Variants in PHC3 observed in about 807,000 individuals in gnomAD.
The protein encoded by PHC3 is polyhomeotic-like protein 3.
PHC3 carries 13 observed loss-of-function variants against 107.4 expected under a neutral mutation model. The ratio of observed to expected loss-of-function variants is 0.12; its 90% CI spans 0.08 to 0.19. PHC3 has a LOEUF of 0.19. Among genes scored for constraint, PHC3 ranks in the 10% least tolerant of loss-of-function variants. The probability of loss-of-function intolerance (pLI) is 1.00; values close to 1 mark genes in which losing one functional copy is unlikely to be tolerated. For missense variants in PHC3, 992 were observed against 1,210.9 expected, an observed-to-expected ratio of 0.82 and a Z score of 2.68; for synonymous variants, 456 against 427.4, an observed-to-expected ratio of 1.07 and a Z score of -0.83.
At chr3:170,144,897 G>A (rs746019248) in intron 6 of PHC3, among the ~76,000 whole-genome samples, 5 of 152,084 alleles carry the variant, frequency 3.3e-5, no homozygotes, top group Admixed American at 6.5e-5. Context: ...AGTAAAGACC[G>A]GGTCTTACTA....
intron 4 of PHC3, among the ~76,000 whole-genome samples, chr3:170,156,448 G>C (rs765049393): frequency 1.3e-5 from 2 of 151,992 alleles, no homozygotes; most frequent in African/African-American, 2.4e-5. Flanking sequence ...GTAGAGACGA[G>C]TTTCGCCATG....
chr3:170,170,835 C>T (rs1319689760), intron 4 of PHC3: 2 of 152,286 alleles, frequency 1.3e-5, no homozygotes, highest in African/African-American at 4.8e-5. Flanking sequence ...ACCTGGGAAA[C>T]TTGGCACAAT....
At chr3:170,131,109 G>A (rs548977336) in intron 7 of PHC3, among the ~76,000 whole-genome samples, 2 of 144,436 alleles carry the variant, frequency 1.4e-5, no homozygotes, top group South Asian at 4.4e-4. Context: ...CCAAAAAAGA[G>A]GCGTTTGGAA....
At chr3:170,180,093 C>T (rs1358430635) in intron 1 of PHC3, among the ~76,000 whole-genome samples, 68 of 148,502 alleles carry the variant, frequency 4.6e-4, no homozygotes, top group Non-Finnish European at 7.4e-5. Context: ...TTCTATATTA[C>T]GTATGTAAAC....
chr3:170,123,958 T>C (rs921118043), intron 8 of PHC3, among the ~76,000 whole-genome samples: 1 of 151,858 alleles, frequency 6.6e-6, no homozygotes, highest in Non-Finnish European at 1.5e-5. Context: ...GCGATTCTCC[T>C]GGCTCAGCCA....
intron 8 of PHC3, among the ~76,000 whole-genome samples, chr3:170,126,889 A>G (rs910905189): frequency 2.6e-5 from 4 of 151,674 alleles, no homozygotes; most frequent in Non-Finnish European, 5.9e-5. Flanking sequence ...CCTAACATAA[A>G]CAATTAAAAA....
At chr3:170,133,209 T>C (rs1722538451) in intron 7 of PHC3, among the ~76,000 whole-genome samples, 1 of 151,472 alleles carries the variant, frequency 6.6e-6, no homozygotes, top group African/African-American at 2.4e-5. Context: ...AGATGGAGTC[T>C]CGCTCTTTTG....
At chr3:170,118,185 G>A (rs370343849) in intron 9 of PHC3, among the ~76,000 whole-genome samples, 13 of 152,312 alleles carry the variant, frequency 8.5e-5, no homozygotes, top group African/African-American at 3.1e-4. Context: ...GTGGGGCAGT[G>A]GAGTACTTTG....
intron 6 of PHC3, among the ~76,000 whole-genome samples, chr3:170,141,126 T>C (rs1298087580): frequency 6.6e-6 from 1 of 152,234 alleles, no homozygotes; most frequent in African/African-American, 2.4e-5. Flanking sequence ...TCAGATTTGG[T>C]ATTTCACAAT....
chr3:170,173,573 G>A (rs1729952987), intron 2 of PHC3, among the ~76,000 whole-genome samples: 1 of 152,108 alleles, frequency 6.6e-6, no homozygotes, highest in Non-Finnish European at 1.5e-5. Context: ...TGTGGTTAGT[G>A]CAACTAAAGA....
intron 11 of PHC3, among the ~76,000 whole-genome samples, chr3:170,113,073 T>C (rs1028154285): frequency 6.6e-6 from 1 of 152,206 alleles, no homozygotes; most frequent in Non-Finnish European, 1.5e-5. Context: ...GTTTTGATAC[T>C]AAAATTCTGA....
chr3:170,163,576 T>C (rs763699418), intron 4 of PHC3, among the ~76,000 whole-genome samples: 1 of 151,668 alleles, frequency 6.6e-6, no homozygotes, highest in Non-Finnish European at 1.5e-5. Flanking sequence ...TAGAAATGCA[T>C]AGTCCGCCGG....
intron 4 of PHC3, among the ~76,000 whole-genome samples, chr3:170,162,728 C>T (rs1728085878): frequency 6.6e-6 from 1 of 152,166 alleles, no homozygotes; most frequent in African/African-American, 2.4e-5. Context: ...GAACAGCTCT[C>T]CAACAGCTTC....
At chr3:170,131,065 G>T (rs1445624887) in intron 7 of PHC3, among the ~76,000 whole-genome samples, 1 of 149,258 alleles carries the variant, frequency 6.7e-6, no homozygotes. Context: ...AAAATTTTTG[G>T]AATCCTTTAA....
intron 10 of PHC3, among the ~76,000 whole-genome samples, chr3:170,115,381 T>C (rs1466282387): frequency 1.3e-5 from 2 of 152,136 alleles, no homozygotes; most frequent in East Asian, 3.8e-4. Flanking sequence ...ATATACATTA[T>C]ATACACAAAC....
At chr3:170,128,086 C>T (rs1224014601) in intron 8 of PHC3, among the ~76,000 whole-genome samples, 2 of 152,016 alleles carry the variant, frequency 1.3e-5, no homozygotes, top group Non-Finnish European at 2.9e-5. Flanking sequence ...TTTAATAATT[C>T]TATAAGATGG....
chr3:170,178,786 C>A lies in PHC3; in HGVS notation c.167G>T (p.Arg56Leu). Residue 56 changes from arginine (R) to leucine (L), a missense_variant, in exon 2 of 15, where the codon CGA becomes CTA. Arg to Leu is a moderately radical substitution (Grantham distance 102). Transcript: ENST00000495893. ...PQISVYSGSD[R>L]HAVQVIQQAL... ...CAGCTGAAATACCTGTACAGCATGT[C>A]GGTCTGAACCACTGTAGACAGAGAT... is the stretch of plus-strand genomic sequence containing the variant. 1 of 1,613,974 alleles carries A rather than the reference C, an allele frequency of 6.2e-7. No individual in the cohort carries two copies. The highest frequency in any genetic ancestry group is 8.5e-7 in the Non-Finnish European group (1 of 1,179,866).
At chr3:170,151,007 T>A (rs1725867610) in intron 4 of PHC3, among the ~76,000 whole-genome samples, 2 of 152,064 alleles carry the variant, frequency 1.3e-5, no homozygotes, top group African/African-American at 4.8e-5. Context: ...GGTCAGGAGT[T>A]TGAGACCAGC....
intron 10 of PHC3, among the ~76,000 whole-genome samples, 174 bp from the exon 11 acceptor site, chr3:170,113,693 T>C (rs1266122458): frequency 6.6e-6 from 1 of 152,210 alleles, no homozygotes; most frequent in Non-Finnish European, 1.5e-5. Context: ...AGAGTGGACA[T>C]GAATGGTTTA....
Sources: allele counts gnomAD v4.1 joint callset (sites outside exome capture counted in the v4.1 genomes callset), GRCh38; gene constraint gnomAD v4.1.1; transcripts MANE v1.5; gene names NCBI Gene and HGNC (gene_info 2026-07-23, HGNC 2026-07-21).